Variants in B3GALT1 observed in about 807,000 individuals in gnomAD.
B3GALT1 encodes beta-1,3-galactosyltransferase 1, also known as UDP-Gal:betaGlcNAc beta 1,3-galactosyltransferase, polypeptide 1.
Under a neutral mutation model 23.2 loss-of-function variants are expected in B3GALT1, and 10 were observed. That is an observed-to-expected ratio of 0.43 (90% CI 0.27 to 0.73). B3GALT1 has a LOEUF of 0.73. Among genes scored for constraint, B3GALT1 ranks in the 30% least tolerant of loss-of-function variants. The pLI, the probability that B3GALT1 is intolerant of heterozygous loss-of-function variation, is 0.21. For synonymous variants in B3GALT1, 156 were observed against 141.5 expected (o/e 1.10, Z -0.73); for missense variants, 299 against 405.4 (o/e 0.74, Z 2.25).
chr2:167,851,329 G>A (rs895329609), intron 4 of B3GALT1, among the ~76,000 whole-genome samples: 1 of 151,956 alleles, frequency 6.6e-6, no homozygotes, highest in African/African-American at 2.4e-5. Flanking sequence ...ATTAGAACTC[G>A]TTTAAAAAGC....
At chr2:167,351,361 A>G (rs976258012) in intron 1 of B3GALT1, among the ~76,000 whole-genome samples, 1 of 152,154 alleles carries the variant, frequency 6.6e-6, no homozygotes, top group Non-Finnish European at 1.5e-5. Flanking sequence ...TTTTTGTACA[A>G]TCTTTCTTAC....
intron 3 of B3GALT1, among the ~76,000 whole-genome samples, chr2:167,753,038 C>A (rs1687763680): frequency 6.6e-6 from 1 of 152,126 alleles, no homozygotes; most frequent in African/African-American, 2.4e-5. Flanking sequence ...TGGGAAATAA[C>A]CATGAATGGG....
chr2:167,696,158 T>C (rs184954278), intron 3 of B3GALT1, among the ~76,000 whole-genome samples: 1 of 152,240 alleles, frequency 6.6e-6, no homozygotes, highest in East Asian at 1.9e-4. Flanking sequence ...ATACTTATTA[T>C]ATATAGATTT....
intron 2 of B3GALT1, among the ~76,000 whole-genome samples, chr2:167,605,268 A>C (rs955773541): frequency 6.6e-6 from 1 of 152,242 alleles, no homozygotes; most frequent in African/African-American, 2.4e-5. Context: ...GCTGTGTAAC[A>C]AACTATCCCA....
At chr2:167,360,270 T>C (rs911825018) in intron 1 of B3GALT1, among the ~76,000 whole-genome samples, 1 of 152,328 alleles carries the variant, frequency 6.6e-6, no homozygotes, top group Non-Finnish European at 1.5e-5. Flanking sequence ...TTCAGCCAAG[T>C]GTATAGTAAG....
chr2:167,485,479 A>G (rs1350913994), intron 1 of B3GALT1, among the ~76,000 whole-genome samples: 2 of 152,062 alleles, frequency 1.3e-5, no homozygotes, highest in Non-Finnish European at 2.9e-5. Flanking sequence ...AGTCATTCTC[A>G]CTTCATCTGG....
intron 2 of B3GALT1, among the ~76,000 whole-genome samples, chr2:167,499,122 C>T (rs993183183): frequency 3.9e-5 from 6 of 152,064 alleles, no homozygotes; most frequent in African/African-American, 1.4e-4. Flanking sequence ...ATTCTCATTG[C>T]TTTTAATTAA....
At chr2:167,672,708 T>C (rs896838325) in intron 3 of B3GALT1, among the ~76,000 whole-genome samples, 3 of 152,168 alleles carry the variant, frequency 2.0e-5, no homozygotes, top group African/African-American at 7.2e-5. Context: ...TGAATACTTG[T>C]AAAGCACTCA....
chr2:167,370,912 C>T (rs912283481), intron 1 of B3GALT1, among the ~76,000 whole-genome samples: 4 of 152,016 alleles, frequency 2.6e-5, no homozygotes, highest in African/African-American at 9.7e-5. Context: ...GGCGACAGTG[C>T]GAGACTCCAT....
intron 1 of B3GALT1, among the ~76,000 whole-genome samples, chr2:167,439,735 A>G (rs189719508): frequency 3.3e-4 from 50 of 152,186 alleles, no homozygotes; most frequent in Admixed American, 1.1e-3. Flanking sequence ...ACATCTAATC[A>G]CTATCTATTA....
At chr2:167,821,356 C>T (rs917245224) in intron 4 of B3GALT1, among the ~76,000 whole-genome samples, 4 of 150,970 alleles carry the variant, frequency 2.6e-5, no homozygotes, top group African/African-American at 4.9e-5. Flanking sequence ...AAGCAAATTG[C>T]ACGATATCCA....
intron 3 of B3GALT1, among the ~76,000 whole-genome samples, chr2:167,700,566 T>C (rs1293678862): frequency 6.6e-6 from 1 of 152,184 alleles, no homozygotes; most frequent in African/African-American, 2.4e-5. Context: ...ATTAGTATGA[T>C]AGAAATGTAT....
intron 1 of B3GALT1, among the ~76,000 whole-genome samples, chr2:167,385,136 C>G (rs898737409): frequency 6.6e-6 from 1 of 152,162 alleles, no homozygotes; most frequent in Non-Finnish European, 1.5e-5. Flanking sequence ...CCACTGAGAT[C>G]TCAGAACCTC....
At chr2:167,867,723 C>A (rs891894287) in intron 4 of B3GALT1, among the ~76,000 whole-genome samples, 2 of 152,164 alleles carry the variant, frequency 1.3e-5, no homozygotes, top group African/African-American at 4.8e-5. Flanking sequence ...CTATTCTCTA[C>A]TATCTCTGCC....
chr2:167,799,963 T>C (rs1486236263), intron 3 of B3GALT1, among the ~76,000 whole-genome samples: 1 of 97,232 alleles, frequency 1.0e-5, no homozygotes. Context: ...TGTATACACT[T>C]ATGTATACAC....
intron 1 of B3GALT1, among the ~76,000 whole-genome samples, chr2:167,295,577 AAGCTATCAGTAAC>A (rs1696336422): frequency 6.6e-6 from 1 of 152,232 alleles, no homozygotes; most frequent in Non-Finnish European, 1.5e-5. Context: ...AATTAAAACT[AAGCTATCAGTAAC>A]AGCCAGTACT....
At chr2:167,597,594 A>G (rs569282986) in intron 2 of B3GALT1, among the ~76,000 whole-genome samples, 3 of 152,316 alleles carry the variant, frequency 2.0e-5, no homozygotes, top group East Asian at 1.9e-4. Context: ...TCCATATCCT[A>G]CCACATCACC....
chr2:167,822,936 TATAG>T (rs1266500547), intron 4 of B3GALT1, among the ~76,000 whole-genome samples: 1 of 152,358 alleles, frequency 6.6e-6, no homozygotes, highest in Non-Finnish European at 1.5e-5. Context: ...TTCCTGGACA[TATAG>T]ATAGACCGCA....
At chr2:167,311,674 T>C (rs1272861043) in intron 1 of B3GALT1, among the ~76,000 whole-genome samples, 2 of 152,006 alleles carry the variant, frequency 1.3e-5, no homozygotes, top group East Asian at 3.9e-4. Flanking sequence ...AAAAGAATCA[T>C]ATTAAGATTA....
Sources: allele counts gnomAD v4.1 joint callset (sites outside exome capture counted in the v4.1 genomes callset), GRCh38; gene constraint gnomAD v4.1.1; transcripts MANE v1.5; gene names NCBI Gene and HGNC (gene_info 2026-07-23, HGNC 2026-07-21).